The following CDH13 variants were observed in gnomAD, a reference collection of about 807,000 sequenced individuals.
CDH13 encodes cadherin-13.
Under a neutral mutation model 63.8 loss-of-function variants are expected in CDH13, and 24 were observed. The ratio of observed to expected loss-of-function variants is 0.38; its 90% CI spans 0.27 to 0.53. CDH13 has a LOEUF of 0.53. CDH13 is among the 20% of genes least tolerant of loss of function. The pLI is 0.85. For missense variants in CDH13, 1,049 were observed against 903.1 expected, an observed-to-expected ratio of 1.16 and a Z score of -2.07; for synonymous variants, 503 against 355.3, an observed-to-expected ratio of 1.42 and a Z score of -4.67.
At chr16:82,735,032 G>T (rs1460498827) in intron 1 of CDH13, among the ~76,000 whole-genome samples, 8 of 152,192 alleles carry the variant, frequency 5.3e-5, no homozygotes, top group African/African-American at 1.9e-4. Context: ...GATGAAGGTG[G>T]CTTGAACCAG....
intron 1 of CDH13, among the ~76,000 whole-genome samples, chr16:82,822,090 C>A (rs534733947): frequency 6.6e-6 from 1 of 152,168 alleles, no homozygotes; most frequent in Non-Finnish European, 1.5e-5. Flanking sequence ...ACTTATTTGA[C>A]CTCGACAGAC....
chr16:82,655,841 C>G (rs1352772525), intron 1 of CDH13, among the ~76,000 whole-genome samples: 1 of 152,066 alleles, frequency 6.6e-6, no homozygotes, highest in Non-Finnish European at 1.5e-5. Context: ...CAAGGTCGCC[C>G]AGATAGGAAG....
At chr16:83,479,369 C>G (rs2073699578) in intron 6 of CDH13, among the ~76,000 whole-genome samples, 1 of 152,160 alleles carries the variant, frequency 6.6e-6, no homozygotes, top group African/African-American at 2.4e-5. Flanking sequence ...ATGAAAATAA[C>G]AAACTTACAT....
At chr16:83,254,417 A>G (rs1404794854) in intron 5 of CDH13, among the ~76,000 whole-genome samples, 3 of 152,258 alleles carry the variant, frequency 2.0e-5, no homozygotes, top group African/African-American at 7.2e-5. Flanking sequence ...GTTCTTCCTC[A>G]CCACCATCAC....
rs746207513 is a variant in CDH13 at position 83,795,057 on chromosome 16, C to G, written c.*27C>G. ...AACTCCTGACGTCTGAAGCTTGACT[C>G]CCAAGTTTCCATAGCAACAGGAAAA... On this transcript the variant is annotated 3_prime_UTR_variant, in exon 14 of 14. Coordinates refer to ENST00000567109, the MANE Select transcript of CDH13 (RefSeq NM_001257.5). 1 of 1,574,562 alleles carries G rather than the reference C, an allele frequency of 6.4e-7. No homozygotes were observed. The highest frequency in any genetic ancestry group is 1.2e-5 in the South Asian group (1 of 83,792).
intron 1 of CDH13, among the ~76,000 whole-genome samples, chr16:82,679,917 G>A (rs1442157522): frequency 6.6e-6 from 1 of 152,164 alleles, no homozygotes; most frequent in Non-Finnish European, 1.5e-5. Flanking sequence ...TAAACATCAC[G>A]AGTATGAGCC....
intron 6 of CDH13, among the ~76,000 whole-genome samples, chr16:83,406,113 C>T (rs1045052778): frequency 2.0e-5 from 3 of 152,182 alleles, no homozygotes; most frequent in South Asian, 2.1e-4. Context: ...CAGAGGTGAC[C>T]TCCAGCCAGT....
chr16:82,699,820 G>C (rs984081789), intron 1 of CDH13, among the ~76,000 whole-genome samples: 1 of 152,190 alleles, frequency 6.6e-6, no homozygotes, highest in Non-Finnish European at 1.5e-5. Context: ...GTTGAGAGAG[G>C]AATGTCCCAT....
intron 6 of CDH13, among the ~76,000 whole-genome samples, chr16:83,430,124 T>C (rs750659463): frequency 1.7e-4 from 26 of 152,164 alleles, no homozygotes; most frequent in Non-Finnish European, 3.4e-4. Context: ...CCCTTCTGGG[T>C]ATTTAAAAGA....
chr16:82,685,954 CA>C (rs1915026556), intron 1 of CDH13, among the ~76,000 whole-genome samples: 1 of 152,156 alleles, frequency 6.6e-6, no homozygotes, highest in African/African-American at 2.4e-5. Flanking sequence ...GTGGTTAAAT[CA>C]TGATGAATAG....
At chr16:83,724,089 A>T (rs1402242026) in intron 10 of CDH13, among the ~76,000 whole-genome samples, 68 of 100,498 alleles carry the variant, frequency 6.8e-4, no homozygotes, top group South Asian at 1.4e-3. Context: ...GAGTGTGGAA[A>T]GCATGGGTGG....
At chr16:82,683,130 C>G (rs897624973) in intron 1 of CDH13, among the ~76,000 whole-genome samples, 1 of 152,182 alleles carries the variant, frequency 6.6e-6, no homozygotes, top group African/African-American at 2.4e-5. Flanking sequence ...TGAAACAATG[C>G]TCTGCAGGAA....
chr16:83,589,285 C>CCT (rs1281188155), intron 7 of CDH13, among the ~76,000 whole-genome samples: 3 of 128,144 alleles, frequency 2.3e-5, no homozygotes, highest in South Asian at 3.3e-4. Flanking sequence ...CTTTCCCCCC[C>CCT]CCGGACCCCT....
chr16:83,633,806 G>A (rs1277525480), intron 8 of CDH13, among the ~76,000 whole-genome samples: 1 of 152,150 alleles, frequency 6.6e-6, no homozygotes, highest in African/African-American at 2.4e-5. Context: ...CAAGTGCAAA[G>A]TAGATTCCAT....
At chr16:82,851,411 G>A (rs977775417) in intron 1 of CDH13, among the ~76,000 whole-genome samples, 2 of 146,424 alleles carry the variant, frequency 1.4e-5, no homozygotes, top group African/African-American at 5.0e-5. Flanking sequence ...CTCCAGCCTG[G>A]GTGACAGAGT....
At chr16:83,564,060 T>C (rs549556336) in intron 7 of CDH13, among the ~76,000 whole-genome samples, 1 of 152,290 alleles carries the variant, frequency 6.6e-6, no homozygotes, top group South Asian at 2.1e-4. Flanking sequence ...ATTATGAGAC[T>C]AAATGAGGTC....
chr16:83,767,567 A>G (rs1272970483), intron 11 of CDH13, among the ~76,000 whole-genome samples: 3 of 152,236 alleles, frequency 2.0e-5, no homozygotes, highest in Non-Finnish European at 4.4e-5. Flanking sequence ...CAGAAACATT[A>G]TTCGTAATAG....
At chr16:82,889,161 C>A (rs865802511) in intron 2 of CDH13, among the ~76,000 whole-genome samples, 1 of 152,228 alleles carries the variant, frequency 6.6e-6, no homozygotes, top group Middle Eastern at 3.4e-3. Context: ...GTATTCTTTC[C>A]TTTTGTTCAA....
chr16:83,492,049 A>G (rs2074025916), intron 7 of CDH13, among the ~76,000 whole-genome samples: 1 of 152,204 alleles, frequency 6.6e-6, no homozygotes, highest in African/African-American at 2.4e-5. Context: ...CATCTAGCCA[A>G]CGAATTTGGA....
Sources: gnomAD v4.1 joint callset for allele counts (sites outside exome capture counted in the v4.1 genomes callset) on GRCh38, gnomAD v4.1.1 for gene constraint, MANE v1.5 for transcripts, NCBI Gene and HGNC (gene_info 2026-07-23, HGNC 2026-07-21) for gene names.